LGR4: variants seen among roughly 807,000 people sequenced by gnomAD.
The protein encoded by LGR4 is leucine-rich repeat-containing G protein-coupled receptor 4.
A neutral mutation model predicts 84.8 loss-of-function variants in LGR4; 44 were observed. The ratio of observed to expected loss-of-function variants is 0.52; its 90% CI spans 0.41 to 0.67. The LOEUF is 0.67. Ranked by LOEUF, LGR4 falls within the 30% of genes least tolerant of loss-of-function variation. The pLI, the probability that LGR4 is intolerant of heterozygous loss-of-function variation, is 0.00. For synonymous variants in LGR4, 429 were observed against 434.3 expected (o/e 0.99, Z 0.15); for missense variants, 1,032 against 1,131.4 (o/e 0.91, Z 1.26).
intron 1 of LGR4, among the ~76,000 whole-genome samples, chr11:27,456,444 A>G (rs1224608793): frequency 6.6e-6 from 1 of 152,234 alleles, no homozygotes; most frequent in Non-Finnish European, 1.5e-5. Context: ...CTATAAAAAC[A>G]TCTTCAACAG....
chr11:27,392,550 A>C (rs186580948), intron 2 of LGR4, 32 bp from the exon 3 acceptor site: 766 of 1,517,902 alleles, frequency 5.0e-4, no homozygotes, highest in Non-Finnish European at 6.6e-4. Context: ...GTAGCAAGAA[A>C]AAAATAGTAA....
At chr11:27,376,254 G>T in intron 13 of LGR4, 45 bp downstream of exon 13, 1 of 1,117,438 alleles carries the variant, frequency 8.9e-7, no homozygotes, top group Non-Finnish European at 1.3e-6. Flanking sequence ...TATTAACATA[G>T]TTTGGAAAAA....
At chr11:27,371,547 G>T in intron 17 of LGR4, 68 bp downstream of exon 17, 1 of 1,055,710 alleles carries the variant, frequency 9.5e-7, no homozygotes, top group Non-Finnish European at 1.5e-6. Context: ...CTATACCCAG[G>T]ACATTTAGAT....
chr11:27,422,614 T>C (rs543469208), intron 1 of LGR4, among the ~76,000 whole-genome samples: 2 of 152,346 alleles, frequency 1.3e-5, no homozygotes, highest in African/African-American at 4.8e-5. Flanking sequence ...AGTTCGAATA[T>C]ATTGTCCATG....
chr11:27,447,600 C>G (rs568737489), intron 1 of LGR4, among the ~76,000 whole-genome samples: 6 of 152,080 alleles, frequency 3.9e-5, no homozygotes, highest in East Asian at 1.9e-4. Context: ...AACCAGCAAC[C>G]CTTGGGGTTG....
intron 1 of LGR4, among the ~76,000 whole-genome samples, chr11:27,426,267 C>G (rs1189152440): frequency 6.6e-6 from 1 of 152,054 alleles, no homozygotes; most frequent in Non-Finnish European, 1.5e-5. Flanking sequence ...ATTGCTACAA[C>G]CAAATAATAA....
intron 1 of LGR4, among the ~76,000 whole-genome samples, chr11:27,415,323 A>G (rs577607887): frequency 6.6e-6 from 1 of 152,294 alleles, no homozygotes; most frequent in South Asian, 2.1e-4. Context: ...ACTGTAACAG[A>G]AAAACTGATT....
Position 27,380,335 on chromosome 11 carries a change from T to C in LGR4, c.907A>G (p.Ile303Val). The C allele has an allele frequency of 3.7e-6, 6 of 1,604,564 alleles. No individual in the cohort carries two copies. The South Asian group carries it at 6.7e-5, about 18-fold the overall frequency. ...HNLSDLHSLV[I>V]RGASMVQQFP... The stretch of plus-strand genomic sequence containing the variant: ...TGCTGCACCATGCTTGCACCACGAA[T>C]GACTCTTTATGAAATTGAGAAAGAC... Residue 303 changes from isoleucine to valine, a missense_variant, in exon 10 of 18, where the codon ATT becomes GTT. Coordinates refer to ENST00000379214, the MANE Select transcript of LGR4 (RefSeq NM_018490.5).
intron 11 of LGR4, among the ~76,000 whole-genome samples, chr11:27,377,676 G>A (rs1010710122): frequency 7.2e-5 from 11 of 151,852 alleles, no homozygotes; most frequent in Non-Finnish European, 1.3e-4. Context: ...AAAGCTCTAA[G>A]AGAAATGGTA....
intron 1 of LGR4, among the ~76,000 whole-genome samples, chr11:27,445,546 T>C (rs1864375496): frequency 6.6e-6 from 1 of 152,092 alleles, no homozygotes; most frequent in South Asian, 2.1e-4. Flanking sequence ...ACAGTTCATA[T>C]TGTCCCTCCT....
intron 1 of LGR4, among the ~76,000 whole-genome samples, chr11:27,467,463 G>T (rs1864799095): frequency 6.6e-6 from 1 of 151,730 alleles, no homozygotes; most frequent in Non-Finnish European, 1.5e-5. Context: ...AGCCACTCGG[G>T]AGGCTGAGAC....
chr11:27,416,867 TC>T (rs1424489300), intron 1 of LGR4, among the ~76,000 whole-genome samples: 1 of 152,102 alleles, frequency 6.6e-6, no homozygotes, highest in African/African-American at 2.4e-5. Context: ...CATCGTCTTT[TC>T]CCCCATAAAA....
At chr11:27,439,264 T>C (rs997723082) in intron 1 of LGR4, among the ~76,000 whole-genome samples, 1 of 152,190 alleles carries the variant, frequency 6.6e-6, no homozygotes, top group Non-Finnish European at 1.5e-5. Context: ...TGCTACTTTC[T>C]GTCTCTATGA....
intron 4 of LGR4, among the ~76,000 whole-genome samples, chr11:27,386,361 T>C (rs191297153): frequency 6.6e-6 from 1 of 152,354 alleles, no homozygotes; most frequent in East Asian, 1.9e-4. Flanking sequence ...ATTAATATGA[T>C]GAGGGACACT....
chr11:27,422,019 C>A (rs2133409953), intron 1 of LGR4, among the ~76,000 whole-genome samples: 2 of 152,268 alleles, frequency 1.3e-5, no homozygotes, highest in South Asian at 4.2e-4. Context: ...AACTGGTGTT[C>A]CCAGGCATCT....
chr11:27,424,679 C>G (rs1327199204), intron 1 of LGR4, among the ~76,000 whole-genome samples: 1 of 152,172 alleles, frequency 6.6e-6, no homozygotes, highest in African/African-American at 2.4e-5. Flanking sequence ...GAAGCCCCAT[C>G]GCCGTGGATG....
intron 1 of LGR4, among the ~76,000 whole-genome samples, chr11:27,435,348 A>AAAC (rs200560391): frequency 1.3e-4 from 19 of 151,746 alleles, no homozygotes; most frequent in East Asian, 3.9e-4. Context: ...ACAAACAAAC[A>AAAC]AACAACAACA....
rs542481920 is a variant in LGR4, at chr11:27,433,950, T to A, written c.186-21090A>T. On this transcript the variant is annotated intron_variant, in intron 1 of 17. Coordinates refer to ENST00000379214, the MANE Select transcript of LGR4 (RefSeq NM_018490.5). ...ATGGCATGCAAAGCCTTCCCAACTC[T>A]AAAATTAAATGATGTCTGTTTGTTC... 3.2e-3 allele frequency among the ~76,000 whole-genome samples: 482 copies of A among 152,318 alleles called. 4 individuals carry two copies. Among genetic ancestry groups the A allele is most frequent in the African/African-American group, 0.011 (467 of 41,566 alleles).
rs374639642 is a variant in LGR4 at position 27,466,226 on chromosome 11, G to A, written c.185+5892C>T. Among the ~76,000 whole-genome samples the A allele has an allele frequency of 2.3e-4, 35 of 152,254 alleles. 1 individual carries two copies. Among genetic ancestry groups the A allele is most frequent in the African/African-American group, 8.2e-4 (34 of 41,558 alleles). ...TAACTCAAGTATACCAACAAATACT[G>A]TACTTTTATAGATATTTATCTTTTT... On this transcript the variant is annotated intron_variant, in intron 1 of 17. Coordinates refer to ENST00000379214, the MANE Select transcript of LGR4 (RefSeq NM_018490.5).
Sources: gnomAD v4.1 joint callset for allele counts (sites outside exome capture counted in the v4.1 genomes callset) on GRCh38, gnomAD v4.1.1 for gene constraint, MANE v1.5 for transcripts, NCBI Gene and HGNC (gene_info 2026-07-23, HGNC 2026-07-21) for gene names.